F11: variants seen among roughly 807,000 people sequenced by gnomAD.
The protein encoded by F11 is coagulation factor XI, also known as coagualtion factor XI.
Under a neutral mutation model 76.5 loss-of-function variants are expected in F11, and 78 were observed. The ratio of observed to expected loss-of-function variants is 1.02; its 90% CI spans 0.85 to 1.23. F11 has a LOEUF of 1.23. F11 is among the 50% of genes most tolerant of loss of function. The probability of loss-of-function intolerance (pLI) is 0.00; values close to 1 mark genes in which losing one functional copy is unlikely to be tolerated. For missense variants in F11, 742 were observed against 771.4 expected, an observed-to-expected ratio of 0.96 and a Z score of 0.45; for synonymous variants, 278 against 276.3, an observed-to-expected ratio of 1.01 and a Z score of -0.06.
chr4:186,273,005 T>A, intron 3 of F11, 66 bp from the exon 4 acceptor site: 1 of 1,107,764 alleles, frequency 9.0e-7, no homozygotes, highest in African/African-American at 1.6e-5. Flanking sequence ...GTGTGCTGAC[T>A]TTTAAGATCC....
At chr4:186,281,972 CAAGACTTCTTAAA>C in intron 10 of F11, 1 of 1,267,818 alleles carries the variant, frequency 7.9e-7, no homozygotes, top group South Asian at 1.3e-5. Context: ...CTGGATGGCT[CAAGACTTCTTAAA>C]AAGCAAGTCA....
intron 11 of F11, among the ~76,000 whole-genome samples, chr4:186,285,211 T>G (rs1741096573): frequency 6.6e-6 from 1 of 152,214 alleles, no homozygotes; most frequent in East Asian, 1.9e-4. Flanking sequence ...CAAGAACACA[T>G]GTGAGGCCAA....
rs5971 is a variant in F11, at chr4:186,288,548, G to T, written c.1812G>T (p.Arg604=). 0.053 allele frequency: 85,453 copies of T among 1,613,998 alleles called. 2,779 individuals are homozygous for T. The highest frequency in any genetic ancestry group is 0.12 in the African/African-American group (9,027 of 75,002). The change falls in exon 15 of 15, where the codon CGG becomes CGT. Residue 604 remains arginine (R), a synonymous_variant. Coordinates refer to ENST00000403665, the MANE Select transcript of F11 (RefSeq NM_000128.4). The part of the protein sequence containing the change: ...SWGEGCAQRE[R]PGVYTNVVEY... The stretch of plus-strand genomic sequence containing the variant: ...GCGAAGGCTGTGCTCAAAGGGAGCG[G>T]CCAGGTGTTTACACCAACGTGGTCG...
At chr4:186,283,294 C>CTGTATTCGTAGT (rs1740933536) in intron 10 of F11, among the ~76,000 whole-genome samples, 2 of 151,942 alleles carry the variant, frequency 1.3e-5, no homozygotes, top group South Asian at 4.2e-4. Context: ...CTACGAACAC[C>CTGTATTCGTAGT]CTATTCCCAT....
rs373212439 is a variant in F11 at position 186,285,661 on chromosome 4, G to A, written c.1328G>A (p.Arg443His). Reference sequence around the variant, plus strand: ...AGGGTAGAGTCACCTAAGATTTTGCGTGTCTACAGTGGCATTTTAAATCAA... The same window carrying A: ...AGGGTAGAGTCACCTAAGATTTTGCATGTCTACAGTGGCATTTTAAATCAA... ...FYGVESPKILRVYSGILNQSE... is the reference protein window; with the variant it reads ...FYGVESPKILHVYSGILNQSE... The change falls in exon 12 of 15, where the codon CGT (arginine) becomes CAT (histidine). Residue 443 changes from arginine to histidine, a missense_variant. Arg to His is a conservative substitution (Grantham distance 29). Coordinates refer to ENST00000403665, the MANE Select transcript of F11 (RefSeq NM_000128.4). The A allele has an allele frequency of 6.0e-5, 97 of 1,614,050 alleles. No homozygotes were observed. Among genetic ancestry groups the A allele is most frequent in the South Asian group, 1.5e-4 (14 of 91,074 alleles).
At chr4:186,280,657 G>C in intron 10 of F11, 77 bp downstream of exon 10, 3 of 1,240,784 alleles carry the variant, frequency 2.4e-6, no homozygotes, top group Non-Finnish European at 3.5e-6. Context: ...AAGACTGTCA[G>C]TTATAGCCAC....
intron 10 of F11, chr4:186,283,215 G>C (rs1186965697): frequency 5.8e-6 from 1 of 172,914 alleles, no homozygotes; most frequent in Non-Finnish European, 1.1e-5. Context: ...GTGTGTGCGT[G>C]TGTGTGCGCA....
At position 186,276,212 on chromosome 4, in the gene F11, T is replaced by A; in HGVS notation, c.596-19T>A. 1 of 1,614,138 alleles carries A rather than the reference T, an allele frequency of 6.2e-7. No homozygotes were observed. Among genetic ancestry groups the A allele is most frequent in the Non-Finnish European group, 8.5e-7 (1 of 1,180,016 alleles). ...TAGCTGGTGAATTGAGTCCCTGACA[T>A]AGTTCTTCCGTCGCGCAGCTTGTAT... On this transcript the variant is annotated intron_variant, in intron 6 of 14. Transcript: ENST00000403665.
In F11 at chr4:186,272,662, A is replaced by G. The variant is rs569452953; in HGVS notation, c.219-409A>G. Among the ~76,000 whole-genome samples the G allele has an allele frequency of 3.3e-5, 5 of 152,358 alleles. No individual in the cohort carries two copies. The South Asian group carries it at 8.3e-4, about 25-fold the overall frequency. On this transcript the variant is annotated intron_variant, in intron 3 of 14. Transcript: ENST00000403665. ...TTGGCAAATGTCTTCTTAATAACGC[A>G]GAGTAAATATGTTAGGCTTTGTGGG...
Position 186,280,060 on chromosome 4 carries a change from C to A in F11, c.804C>A (p.Arg268=), listed in dbSNP as rs1295896415. ...CTGAGAGTGGATTGCCCAGTACACG[C>A]ATTAAAAAGAGCAAAGCTCTTTCTG... ...KTSESGLPST[R]IKKSKALSGF... is the part of the protein sequence containing the mutation. The change falls in exon 8 of 15, where the codon CGC becomes CGA. Residue 268 remains arginine (R), a synonymous_variant. Coordinates refer to ENST00000403665, the MANE Select transcript of F11 (RefSeq NM_000128.4). The A allele has an allele frequency of 6.2e-7, 1 of 1,614,124 alleles. No individual in the cohort carries two copies. Among genetic ancestry groups the A allele is most frequent in the Non-Finnish European group, 8.5e-7 (1 of 1,180,006 alleles).
Position 186,287,983 on chromosome 4 carries a change from C to A in F11, c.1716+160C>A, listed in dbSNP as rs1270351893. On this transcript the variant is annotated intron_variant, in intron 14 of 14. Transcript: ENST00000403665. ...GCAGTGGCTCGATCTCAGCTCACTG[C>A]AAGCTCTGCCTCCCAGGTTCACGCC... Among the ~76,000 whole-genome samples the A allele has an allele frequency of 2.0e-5, 3 of 151,822 alleles. No homozygotes were observed. The South Asian group carries it at 6.2e-4, about 32-fold the overall frequency.
intron 10 of F11, among the ~76,000 whole-genome samples, chr4:186,281,102 C>T (rs1740767999): frequency 6.6e-6 from 1 of 152,100 alleles, no homozygotes; most frequent in Non-Finnish European, 1.5e-5. Flanking sequence ...AGCAATCCTC[C>T]CGCTTTGGCC....
At chr4:186,279,686 A>C (rs1393568116) in intron 7 of F11, among the ~76,000 whole-genome samples, 1 of 152,172 alleles carries the variant, frequency 6.6e-6, no homozygotes, top group Non-Finnish European at 1.5e-5. Context: ...GGTAGCATGA[A>C]GACTCTTGAA....
Position 186,288,566 on chromosome 4 carries a change from C to A in F11, c.1830C>A (p.Asn610Lys). Residue 610 changes from asparagine (N) to lysine (K), a missense_variant, in exon 15 of 15, where the codon AAC (asparagine) becomes AAA (lysine). Coordinates refer to ENST00000403665, the MANE Select transcript of F11 (RefSeq NM_000128.4). ...AQRERPGVYTNVVEYVDWILE... is the reference protein window; with the variant it reads ...AQRERPGVYTKVVEYVDWILE... ...GGGAGCGGCCAGGTGTTTACACCAA[C>A]GTGGTCGAGTACGTGGACTGGATTC... is the stretch of plus-strand genomic sequence containing the variant. 1 of 1,614,124 alleles carries A rather than the reference C, an allele frequency of 6.2e-7. No homozygotes were observed. The highest frequency in any genetic ancestry group is 8.5e-7 in the Non-Finnish European group (1 of 1,180,018).
chr4:186,279,450 T>C (rs978913823), intron 7 of F11, among the ~76,000 whole-genome samples: 1 of 152,132 alleles, frequency 6.6e-6, no homozygotes, highest in Non-Finnish European at 1.5e-5. Flanking sequence ...ACATTTCAAG[T>C]GCCCAATAGC....
Position 186,282,969 on chromosome 4 carries a change from C to T in F11, c.1136-1123C>T, listed in dbSNP as rs543920677. The T allele has an allele frequency of 1.9e-5, 19 of 985,294 alleles. No homozygotes were observed. The African/African-American group carries it at 2.4e-4, about 13-fold the overall frequency. The allele number at this position is 985,294 out of a possible 1,614,324, so 61.0% of individuals were successfully genotyped here. On this transcript the variant is annotated intron_variant, in intron 10 of 14. Transcript: ENST00000403665. ...ACTAGTGAATGGACCTTCTAGGACCCGGCTTCTCATCAGTGATTCTTCTGT... is the reference window on the plus strand; with the variant it reads ...ACTAGTGAATGGACCTTCTAGGACCTGGCTTCTCATCAGTGATTCTTCTGT...
chr4:186,269,009 G>C (rs779728865), intron 2 of F11, among the ~76,000 whole-genome samples: 2 of 152,246 alleles, frequency 1.3e-5, no homozygotes, highest in Non-Finnish European at 2.9e-5. Context: ...TATAAGGTCA[G>C]GGTAATCTTG....
At chr4:186,286,047 T>G in intron 12 of F11, 3 of 589,732 alleles carry the variant, frequency 5.1e-6, no homozygotes. Context: ...CTTCTTCAGG[T>G]GCATAGAATG....
chr4:186,289,682 ATTT>A (rs11444909), downstream of F11, among the ~76,000 whole-genome samples: 23,665 of 137,712 alleles, frequency 0.17, 1,852 homozygotes, highest in Middle Eastern at 0.23. Flanking sequence ...ATCAAGTGTG[ATTT>A]TTTTTTTTTT....
Sources: gnomAD v4.1 joint callset for allele counts (sites outside exome capture counted in the v4.1 genomes callset) on GRCh38, gnomAD v4.1.1 for gene constraint, MANE v1.5 for transcripts, NCBI Gene and HGNC (gene_info 2026-07-23, HGNC 2026-07-21) for gene names.